Variants in GLG1 observed in about 807,000 individuals in gnomAD.
GLG1 encodes the protein golgi glycoprotein 1.
GLG1 carries 38 observed loss-of-function variants against 160.5 expected under a neutral mutation model. That is an observed-to-expected ratio of 0.24 (90% CI 0.18 to 0.31). The LOEUF is 0.31. Ranked by LOEUF, GLG1 falls within the 10% of genes least tolerant of loss-of-function variation. The pLI is 1.00. For missense variants in GLG1, 1,373 were observed against 1,505.2 expected (o/e 0.91, Z 1.45); for synonymous variants, 644 against 543.4 (o/e 1.19, Z -2.57).
At chr16:74,469,790 A>G in intron 16 of GLG1, 195 bp downstream of exon 16, 1 of 587,660 alleles carries the variant, frequency 1.7e-6, no homozygotes, top group Non-Finnish European at 3.1e-6. Context: ...TGGGACCTCC[A>G]TGTGAGAACT....
intron 4 of GLG1, among the ~76,000 whole-genome samples, chr16:74,498,193 G>A (rs2016266412): frequency 6.6e-6 from 1 of 151,486 alleles, no homozygotes; most frequent in Non-Finnish European, 1.5e-5. Flanking sequence ...AGCACTTTGG[G>A]AGGCCAAGGT....
In GLG1 at chr16:74,564,456, A is replaced by T. The variant is rs377349084; in HGVS notation, c.439-32303T>A. Reference sequence around the variant, plus strand: ...AATAGCAGTCTCCCTGCTGCATTATATTCTCTCAAAAGTTATAAATGTTTG... The same window carrying T: ...AATAGCAGTCTCCCTGCTGCATTATTTTCTCTCAAAAGTTATAAATGTTTG... On this transcript the variant is annotated intron_variant, in intron 1 of 25. Transcript: ENST00000422840. Among the ~76,000 whole-genome samples, 6 of 152,218 alleles carry T rather than the reference A, an allele frequency of 3.9e-5. No homozygotes were observed. In the East Asian group the frequency reaches 1.2e-3, roughly 29 times the overall value.
At chr16:74,497,810 T>C (rs1490901332) in intron 4 of GLG1, among the ~76,000 whole-genome samples, 1 of 152,242 alleles carries the variant, frequency 6.6e-6, no homozygotes, top group Non-Finnish European at 1.5e-5. Context: ...TTCTTGCTCC[T>C]TTCCCTACTC....
intron 23 of GLG1, chr16:74,458,307 T>C (rs2014643669): frequency 2.3e-5 from 5 of 214,836 alleles, no homozygotes; most frequent in African/African-American, 9.0e-5. Context: ...TAAACGTTAA[T>C]ATTTTTATTG....
At chr16:74,601,360 G>C (rs1052739652) in intron 1 of GLG1, among the ~76,000 whole-genome samples, 10 of 151,852 alleles carry the variant, frequency 6.6e-5, no homozygotes, top group Non-Finnish European at 1.2e-4. Flanking sequence ...AGGGTGGGTC[G>C]GTTGAGCTCA....
chr16:74,488,315 G>T, intron 8 of GLG1, among the ~76,000 whole-genome samples: 1 of 152,122 alleles, frequency 6.6e-6, no homozygotes, highest in Non-Finnish European at 1.5e-5. Flanking sequence ...GCCAAAACGG[G>T]CAGACTGCTT....
At chr16:74,521,294 G>A (rs1194261870) in intron 2 of GLG1, among the ~76,000 whole-genome samples, 3 of 152,024 alleles carry the variant, frequency 2.0e-5, no homozygotes, top group Admixed American at 2.0e-4. Context: ...AAAGTTTTAG[G>A]GGTTTTTGGA....
chr16:74,546,837 C>CA (rs71376218), intron 1 of GLG1, among the ~76,000 whole-genome samples: 29 of 59,702 alleles, frequency 4.9e-4, no homozygotes, highest in African/African-American at 1.7e-3. Context: ...GACTCCATCT[C>CA]AAAAAAAAAA....
At chr16:74,510,133 G>C (rs1380470037) in intron 2 of GLG1, among the ~76,000 whole-genome samples, 1 of 151,274 alleles carries the variant, frequency 6.6e-6, no homozygotes, top group East Asian at 2.0e-4. Flanking sequence ...CCAGGTTCAA[G>C]CAATTCTCCT....
chr16:74,530,380 ACTT>A (rs2017494678), intron 2 of GLG1, among the ~76,000 whole-genome samples: 1 of 152,206 alleles, frequency 6.6e-6, no homozygotes, highest in East Asian at 1.9e-4. Flanking sequence ...GGTTCAGCCA[ACTT>A]CTTCTGCAGA....
rs547852094 is a variant in GLG1 at position 74,458,392 on chromosome 16, T to C, written c.3145-398A>G. 1.1e-3 allele frequency: 183 copies of C among 159,784 alleles called. 1 individual carries two copies. Among genetic ancestry groups the C allele is most frequent in the African/African-American group, 4.3e-3 (180 of 41,884 alleles). 9.9% of individuals were successfully genotyped at this position (159,784 alleles called of 1,614,324 possible). On this transcript the variant is annotated intron_variant, in intron 23 of 25. Coordinates refer to ENST00000422840, the MANE Select transcript of GLG1 (RefSeq NM_001145667.2). ...TTAAAATCAGAGTAATATGCTATAT[T>C]AAAATTCTCAATCGGGACTGGGGGT...
At chr16:74,600,303 G>A (rs1478825277) in intron 1 of GLG1, among the ~76,000 whole-genome samples, 3 of 149,476 alleles carry the variant, frequency 2.0e-5, no homozygotes, top group Admixed American at 1.3e-4. Flanking sequence ...TGAAGTGGGA[G>A]GAGAGCTTGA....
At chr16:74,564,050 T>C (rs2018581279) in intron 1 of GLG1, among the ~76,000 whole-genome samples, 1 of 152,150 alleles carries the variant, frequency 6.6e-6, no homozygotes, top group Non-Finnish European at 1.5e-5. Context: ...GCCTCCTGAG[T>C]AGTGGAACTA....
chr16:74,458,455 C>T (rs937402000), intron 23 of GLG1, among the ~76,000 whole-genome samples: 3 of 151,852 alleles, frequency 2.0e-5, no homozygotes, highest in Non-Finnish European at 2.9e-5. Context: ...TTTGGGAGGC[C>T]GAGGTAGGAG....
intron 22 of GLG1, chr16:74,461,881 G>A (rs2014811419): frequency 2.1e-6 from 1 of 474,872 alleles, no homozygotes. Flanking sequence ...GTTCAACAGA[G>A]AAATATGGAA....
chr16:74,570,730 T>C (rs898987630), intron 1 of GLG1, among the ~76,000 whole-genome samples: 1 of 152,108 alleles, frequency 6.6e-6, no homozygotes, highest in African/African-American at 2.4e-5. Context: ...ACCCTGTCTC[T>C]ATAAAAAATC....
intron 6 of GLG1, among the ~76,000 whole-genome samples, 167 bp downstream of exon 6, chr16:74,494,593 G>A (rs1473196769): frequency 1.3e-5 from 2 of 151,934 alleles, no homozygotes; most frequent in Non-Finnish European, 2.9e-5. Flanking sequence ...TTTTAGTAGA[G>A]ACGGCGTTTC....
chr16:74,603,063 C>T (rs62051927), intron 1 of GLG1, among the ~76,000 whole-genome samples: 38,571 of 151,378 alleles, frequency 0.25, 5,281 homozygotes, highest in East Asian at 0.32. Context: ...GCACTCCAGC[C>T]TGAGCAACAG....
chr16:74,473,678 G>A (rs966801850), intron 13 of GLG1, among the ~76,000 whole-genome samples: 1 of 152,006 alleles, frequency 6.6e-6, no homozygotes, highest in Non-Finnish European at 1.5e-5. Flanking sequence ...CTGACCTTGT[G>A]ATCCGCCCGC....
Sources: allele counts gnomAD v4.1 joint callset (sites outside exome capture counted in the v4.1 genomes callset), GRCh38; gene constraint gnomAD v4.1.1; transcripts MANE v1.5; gene names NCBI Gene and HGNC (gene_info 2026-07-23, HGNC 2026-07-21).